Variants in CDK13 observed in about 807,000 individuals in gnomAD.
CDK13 encodes cyclin dependent kinase 13, also known as cyclin-dependent kinase 13.
In CDK13, 40 loss-of-function variants were observed where a neutral mutation model predicts 137.6. The observed-to-expected ratio is 0.29, with a 90% CI of 0.23 to 0.38. CDK13 has a LOEUF of 0.38. Among genes scored for constraint, CDK13 ranks in the 10% least tolerant of loss-of-function variants. The pLI is 1.00. For synonymous variants in CDK13, 869 were observed against 760.1 expected (o/e 1.14, Z -2.36); for missense variants, 1,704 against 1,951.8 (o/e 0.87, Z 2.39).
At chr7:40,080,381 T>C (rs141970548) in intron 11 of CDK13, among the ~76,000 whole-genome samples, 90 of 152,320 alleles carry the variant, frequency 5.9e-4, no homozygotes, top group African/African-American at 2.0e-3. Context: ...AAAAATAGCA[T>C]ATTTTAAATG....
rs190080133 is a variant in CDK13, at chr7:39,984,240, G to A, written c.1212-3359G>A. On this transcript the variant is annotated intron_variant, in intron 1 of 13. Transcript: ENST00000181839. ...GTTCAAGACCAGCTTGGGCAGCAGA[G>A]TGAGACCCTGTCTCTACAAAGTTAG... 892 of 152,204 alleles carry A rather than the reference G, an allele frequency of 5.9e-3. 3 individuals are homozygous for A. Among genetic ancestry groups the A allele is most frequent in the Non-Finnish European group, 0.01 (700 of 68,070 alleles). The allele number at this position is 152,204 out of a possible 1,614,324, so 9.4% of individuals were successfully genotyped here.
At chr7:40,003,185 C>T (rs970292531) in intron 5 of CDK13, among the ~76,000 whole-genome samples, 1 of 98,218 alleles carries the variant, frequency 1.0e-5, no homozygotes, top group Admixed American at 1.1e-4. Context: ...CACACACACA[C>T]ACACACACAC....
In CDK13 at chr7:40,098,144, TCAAA is replaced by T. The variant is rs1326617741; in HGVS notation, c.*3168_*3171del. 1 of 151,940 alleles carries T rather than the reference TCAAA, an allele frequency of 6.6e-6. No homozygotes were observed. The highest frequency in any genetic ancestry group is 1.5e-5 in the Non-Finnish European group (1 of 67,954). 9.4% of individuals were successfully genotyped at this position (151,940 alleles called of 1,614,324 possible). A position where few individuals can be genotyped will look rare whatever the true frequency, so the allele number is the denominator to read the frequency against. ...GGATAGAGATGGTTATGGAGAGAAATCAAACAACTGGAATAGCTGTTTGATATCA... is the reference window on the plus strand; with the variant it reads ...GGATAGAGATGGTTATGGAGAGAAATCAACTGGAATAGCTGTTTGATATCA... On this transcript the variant is annotated 3_prime_UTR_variant, in exon 14 of 14. Transcript: ENST00000181839.
chr7:40,008,656 C>A (rs1268231472), intron 5 of CDK13, among the ~76,000 whole-genome samples: 1 of 152,134 alleles, frequency 6.6e-6, no homozygotes, highest in South Asian at 2.1e-4. Flanking sequence ...GGAGTCTGTT[C>A]TTAGCAACTG....
At chr7:39,978,662 T>C (rs1784157037) in intron 1 of CDK13, among the ~76,000 whole-genome samples, 2 of 152,230 alleles carry the variant, frequency 1.3e-5, no homozygotes, top group South Asian at 4.1e-4. Flanking sequence ...TAGCCTAGCA[T>C]AGTGCATCTC....
At chr7:39,952,270 G>A (rs892736060) in intron 1 of CDK13, 2 of 158,838 alleles carry the variant, frequency 1.3e-5, no homozygotes, top group Non-Finnish European at 2.7e-5. Flanking sequence ...TGCAACTTAA[G>A]ATCTAGTATT....
At chr7:40,078,244 AATTTTGAGTTCTGTTTGCTACATG>A in intron 10 of CDK13, 123 bp downstream of exon 10, 1 of 477,112 alleles carries the variant, frequency 2.1e-6, no homozygotes. Flanking sequence ...TAGGGCATTT[AATTTTGAGTTCTGTTTGCTACATG>A]CAGATTACCA....
At chr7:39,996,961 CAAAAAAAAAAAAAAAGA>C (rs1262558931) in intron 2 of CDK13, among the ~76,000 whole-genome samples, 7 of 83,242 alleles carry the variant, frequency 8.4e-5, no homozygotes, top group Non-Finnish European at 4.0e-5. Context: ...GATTCCATCT[CAAAAAAAAAAAAAAAGA>C]AAAAAAAAAA....
chr7:39,951,712 C>G lies in CDK13; in HGVS notation c.1071C>G (p.Arg357=). The G allele has an allele frequency of 6.8e-7, 1 of 1,472,498 alleles. No homozygotes were observed. Among genetic ancestry groups the G allele is most frequent in the Non-Finnish European group, 8.9e-7 (1 of 1,122,634 alleles). The allele number at this position is 1,472,498 out of a possible 1,614,324, so 91.2% of individuals were successfully genotyped here. Residue 357 remains arginine, a synonymous_variant, in exon 1 of 14, where the codon CGC becomes CGG. Coordinates refer to ENST00000181839, the MANE Select transcript of CDK13 (RefSeq NM_003718.5). ...GSSPYSRRLP[R]SPSPYSRRRS... ...GCCCCTATTCTCGGCGGCTGCCGCG[C>G]TCCCCGAGCCCCTACAGTCGCCGCC...
intron 7 of CDK13, 55 bp downstream of exon 7, chr7:40,047,932 A>AC (rs1785786502): frequency 9.7e-7 from 1 of 1,034,372 alleles, no homozygotes; most frequent in Admixed American, 1.8e-5. Context: ...ATTAGAAGCT[A>AC]TACTAAGAAT....
intron 7 of CDK13, chr7:40,048,329 A>G (rs546801756): frequency 6.6e-6 from 1 of 152,444 alleles, no homozygotes; most frequent in East Asian, 1.9e-4. Flanking sequence ...TGTTCACTGT[A>G]TAAGACACAA....
chr7:39,958,133 A>G (rs1032522253), intron 1 of CDK13, among the ~76,000 whole-genome samples: 19 of 152,192 alleles, frequency 1.2e-4, no homozygotes, highest in African/African-American at 4.3e-4. Flanking sequence ...TGTACATTAG[A>G]GGATAAATAT....
At chr7:40,079,385 C>G (rs1456004327) in intron 11 of CDK13, among the ~76,000 whole-genome samples, 1 of 151,912 alleles carries the variant, frequency 6.6e-6, no homozygotes, top group African/African-American at 2.4e-5. Flanking sequence ...TGGCATTGCA[C>G]TCCAGCCTGG....
In CDK13 at chr7:39,950,516, T is replaced by A; in HGVS notation, c.-126T>A. 7.9e-7 allele frequency: 1 copy of A among 1,267,188 alleles called. No individual in the cohort carries two copies. Among genetic ancestry groups the A allele is most frequent in the Non-Finnish European group, 9.9e-7 (1 of 1,007,358 alleles). The allele number at this position is 1,267,188 out of a possible 1,614,324, so 78.5% of individuals were successfully genotyped here. A position where few individuals can be genotyped will look rare whatever the true frequency, so the allele number is the denominator to read the frequency against. ...TCCCGACCCGGATTATCGTGGCGCT[T>A]TTCCCGGCCGGCTCTGGTGCTCGGT... is the stretch of plus-strand genomic sequence containing the variant. On this transcript the variant is annotated 5_prime_UTR_variant, in exon 1 of 14. Coordinates refer to ENST00000181839, the MANE Select transcript of CDK13 (RefSeq NM_003718.5).
At chr7:40,019,093 A>G (rs1295182488) in intron 5 of CDK13, among the ~76,000 whole-genome samples, 1 of 152,220 alleles carries the variant, frequency 6.6e-6, no homozygotes, top group Non-Finnish European at 1.5e-5. Flanking sequence ...GGTTATTCAT[A>G]CTGTTTACAA....
intron 1 of CDK13, chr7:39,985,295 C>T (rs997346038): frequency 4.6e-5 from 7 of 152,194 alleles, no homozygotes; most frequent in East Asian, 1.9e-4. Context: ...TTGCAAGTGA[C>T]GGGATCTCAT....
At chr7:40,002,648 T>C (rs935986387) in intron 5 of CDK13, among the ~76,000 whole-genome samples, 1 of 152,204 alleles carries the variant, frequency 6.6e-6, no homozygotes, top group Non-Finnish European at 1.5e-5. Flanking sequence ...TTAAATCTTA[T>C]ATTTTAGATG....
intron 9 of CDK13, chr7:40,070,284 C>T (rs1290722522): frequency 1.3e-5 from 2 of 151,474 alleles, no homozygotes; most frequent in Non-Finnish European, 1.5e-5. Context: ...TGGCACACAC[C>T]TGTAATCCCA....
At chr7:40,010,521 T>TA (rs1346145066) in intron 5 of CDK13, among the ~76,000 whole-genome samples, 1 of 152,024 alleles carries the variant, frequency 6.6e-6, no homozygotes, top group African/African-American at 2.4e-5. Context: ...CCGTCTCTAC[T>TA]AAAAATACAA....
Sources: gnomAD v4.1 joint callset for allele counts (sites outside exome capture counted in the v4.1 genomes callset) on GRCh38, gnomAD v4.1.1 for gene constraint, MANE v1.5 for transcripts, NCBI Gene and HGNC (gene_info 2026-07-23, HGNC 2026-07-21) for gene names.